Variants in NXPE1 observed in about 807,000 individuals in gnomAD.
NXPE1 encodes neurexophilin and PC-esterase domain family member 1.
In NXPE1, 31 loss-of-function variants were observed where a neutral mutation model predicts 33.3. The observed-to-expected ratio is 0.93, with a 90% CI of 0.70 to 1.26. The LOEUF (loss-of-function observed/expected upper bound fraction) is 1.26, where lower values mean the gene tolerates loss of function less well. NXPE1 is among the 50% of genes most tolerant of loss of function. The probability of loss-of-function intolerance (pLI) is 0.00; values close to 1 mark genes in which losing one functional copy is unlikely to be tolerated. For synonymous variants in NXPE1, 229 were observed against 231.4 expected, an observed-to-expected ratio of 0.99 and a Z score of 0.09; for missense variants, 661 against 655.6, an observed-to-expected ratio of 1.01 and a Z score of -0.09.
chr11:114,542,217 A>C (rs1466503244), intron 5 of NXPE1, among the ~76,000 whole-genome samples: 1 of 152,148 alleles, frequency 6.6e-6, no homozygotes, highest in Admixed American at 6.5e-5. Flanking sequence ...ATTTTGTCAA[A>C]ATTTGTAGAG....
chr11:114,532,490 A>G (rs1397585878), intron 5 of NXPE1, among the ~76,000 whole-genome samples: 2 of 152,206 alleles, frequency 1.3e-5, no homozygotes, highest in East Asian at 1.9e-4. Context: ...CATCATGATG[A>G]TAAACCTTTT....
intron 7 of NXPE1, 118 bp downstream of exon 7, chr11:114,527,722 T>G: frequency 1.6e-6 from 1 of 611,228 alleles, no homozygotes; most frequent in South Asian, 3.0e-5. Flanking sequence ...AAGTCCAGCA[T>G]GATTGACATC....
chr11:114,548,410 A>G (rs1250538814), intron 5 of NXPE1, among the ~76,000 whole-genome samples: 2 of 152,096 alleles, frequency 1.3e-5, no homozygotes, highest in African/African-American at 4.8e-5. Flanking sequence ...TATTCTCTAT[A>G]TCTTAGGTCA....
In NXPE1 at chr11:114,557,426, G is replaced by C. The variant is rs1948676806; in HGVS notation, c.-211+2372C>G. On this transcript the variant is annotated intron_variant, in intron 1 of 8. Coordinates refer to ENST00000534921, the Ensembl canonical transcript of NXPE1. The stretch of plus-strand genomic sequence containing the variant: ...ACATTTAACTCTTTCACATTTTCTT[G>C]CTATAGTCAGGCATTTCAGTTCTAG... 2.6e-5 allele frequency among the ~76,000 whole-genome samples: 4 copies of C among 151,592 alleles called. No individual in the cohort carries two copies. In the South Asian group the frequency reaches 8.3e-4, roughly 31 times the overall value.
downstream of NXPE1, among the ~76,000 whole-genome samples, chr11:114,519,997 G>A (rs1947175989): frequency 1.7e-5 from 2 of 117,336 alleles, no homozygotes; most frequent in Non-Finnish European, 3.3e-5. Flanking sequence ...TGTATTTTTA[G>A]TAAAGACGGG....
chr11:114,525,860 T>G (rs1947353482), intron 7 of NXPE1, among the ~76,000 whole-genome samples: 1 of 152,212 alleles, frequency 6.6e-6, no homozygotes, highest in African/African-American at 2.4e-5. Flanking sequence ...CCTTTGGAAG[T>G]TAATCCACTG....
chr11:114,535,676 A>T (rs917464133), intron 5 of NXPE1, among the ~76,000 whole-genome samples: 2 of 152,232 alleles, frequency 1.3e-5, no homozygotes, highest in Non-Finnish European at 2.9e-5. Flanking sequence ...AGATCAAAAG[A>T]GACAAAGAAG....
At position 114,551,961 on chromosome 11, in the gene NXPE1, C is replaced by A. The variant is rs1440193624; in HGVS notation, c.-70+13G>T. ...GGAAACAAAATGTAAAGCCTTGCCT[C>A]TTTGTCCCTTACCAAATCCTCAGTG... On this transcript the variant is annotated intron_variant, in intron 3 of 8. Transcript: ENST00000534921. 1 of 152,206 alleles carries A rather than the reference C, an allele frequency of 6.6e-6. No individual in the cohort carries two copies. The highest frequency in any genetic ancestry group is 1.5e-5 in the Non-Finnish European group (1 of 68,034). 9.4% of individuals were successfully genotyped at this position (152,206 alleles called of 1,614,324 possible).
intron 5 of NXPE1, among the ~76,000 whole-genome samples, chr11:114,548,702 T>C (rs2135095340): frequency 6.6e-6 from 1 of 151,758 alleles, no homozygotes; most frequent in Non-Finnish European, 1.5e-5. Flanking sequence ...CCTATGTAAA[T>C]GAGGAGATAA....
intron 5 of NXPE1, among the ~76,000 whole-genome samples, chr11:114,547,367 A>G (rs1049930528): frequency 1.1e-4 from 16 of 152,238 alleles, no homozygotes; most frequent in Non-Finnish European, 2.1e-4. Flanking sequence ...ACAGTTTACA[A>G]AATACCAGAC....
chr11:114,545,659 G>A (rs1948252141), intron 5 of NXPE1, among the ~76,000 whole-genome samples: 1 of 151,866 alleles, frequency 6.6e-6, no homozygotes, highest in South Asian at 2.1e-4. Context: ...AACTGCAAAA[G>A]CTCATTGAAT....
At chr11:114,546,812 C>T (rs917260475) in intron 5 of NXPE1, among the ~76,000 whole-genome samples, 9 of 152,036 alleles carry the variant, frequency 5.9e-5, no homozygotes, top group Non-Finnish European at 1.2e-4. Flanking sequence ...GCAAGAAATG[C>T]TCAAAAGAAG....
At chr11:114,524,522 A>T (rs1290227975) in intron 7 of NXPE1, among the ~76,000 whole-genome samples, 1 of 152,188 alleles carries the variant, frequency 6.6e-6, no homozygotes, top group Non-Finnish European at 1.5e-5. Context: ...TTGGCTTACT[A>T]AAGGGAGTTT....
downstream of NXPE1, among the ~76,000 whole-genome samples, chr11:114,520,341 TC>T (rs1947185541): frequency 6.6e-6 from 1 of 152,188 alleles, no homozygotes; most frequent in Non-Finnish European, 1.5e-5. Flanking sequence ...ATAAGTGAGA[TC>T]AAGCAATATT....
chr11:114,549,049 T>C (rs1233900443), intron 5 of NXPE1, among the ~76,000 whole-genome samples: 8 of 151,810 alleles, frequency 5.3e-5, no homozygotes, highest in Non-Finnish European at 1.2e-4. Flanking sequence ...AGAATCTAGA[T>C]AAAATGGATA....
chr11:114,522,637 A>T (rs965936848), intron 8 of NXPE1, 134 bp from the exon 9 acceptor site: 1 of 769,810 alleles, frequency 1.3e-6, no homozygotes, highest in Non-Finnish European at 2.0e-6. Flanking sequence ...TCTAGGGTAC[A>T]GTACCCCCAG....
intron 5 of NXPE1, among the ~76,000 whole-genome samples, chr11:114,547,335 A>G (rs922259050): frequency 1.2e-4 from 19 of 152,246 alleles, no homozygotes; most frequent in African/African-American, 4.6e-4. Flanking sequence ...GAGAAAAATA[A>G]CAGACAAACT....
rs1299624685 is a variant in NXPE1, at chr11:114,551,159, T to A, written c.43A>T (p.Ile15Phe). Reference sequence around the variant, plus strand: ...ATCCAGGTTACTACTGAAAAAGAGATCAAGATCAGCAGCGTTTTTTGAAGC... The same window carrying A: ...ATCCAGGTTACTACTGAAAAAGAGAACAAGATCAGCAGCGTTTTTTGAAGC... Residue 15 changes from isoleucine to phenylalanine, a missense_variant, in exon 5 of 9, where the codon ATC (isoleucine) becomes TTC (phenylalanine). Ile to Phe is a conservative substitution (Grantham distance 21). Coordinates refer to ENST00000534921, the Ensembl canonical transcript of NXPE1. 3.3e-6 allele frequency: 5 copies of A among 1,535,210 alleles called. No homozygotes were observed. In the East Asian group the frequency reaches 7.3e-5, roughly 23 times the overall value.
At chr11:114,540,715 T>G (rs1948061308) in intron 5 of NXPE1, among the ~76,000 whole-genome samples, 1 of 151,738 alleles carries the variant, frequency 6.6e-6, no homozygotes, top group African/African-American at 2.4e-5. Context: ...AGCAGGCAAG[T>G]TTTGGTGGGA....
Sources: gnomAD v4.1 joint callset for allele counts (sites outside exome capture counted in the v4.1 genomes callset) on GRCh38, gnomAD v4.1.1 for gene constraint, MANE v1.5 for transcripts, NCBI Gene and HGNC (gene_info 2026-07-23, HGNC 2026-07-21) for gene names.